The following ARHGAP22 variants were observed in gnomAD, a reference collection of about 807,000 sequenced individuals.
The protein encoded by ARHGAP22 is Rho GTPase activating protein 22.
ARHGAP22 carries 48 observed loss-of-function variants against 59.1 expected under a neutral mutation model. The ratio of observed to expected loss-of-function variants is 0.81; its 90% CI spans 0.64 to 1.03. The LOEUF (loss-of-function observed/expected upper bound fraction) is 1.03, where lower values mean the gene tolerates loss of function less well. Among genes scored for constraint, ARHGAP22 ranks in the 50% least tolerant of loss-of-function variants. ARHGAP22 has a pLI of 0.00. For missense variants in ARHGAP22, 1,015 were observed against 958.7 expected (o/e 1.06, Z -0.78); for synonymous variants, 445 against 416.4 (o/e 1.07, Z -0.84).
At chr10:48,462,519 C>G (rs553537437) in intron 4 of ARHGAP22, among the ~76,000 whole-genome samples, 1 of 152,210 alleles carries the variant, frequency 6.6e-6, no homozygotes, top group Non-Finnish European at 1.5e-5. Flanking sequence ...CGGTCCAACC[C>G]AGGCAGTCTG....
chr10:48,583,368 G>A (rs1315286317), intron 1 of ARHGAP22, among the ~76,000 whole-genome samples: 3 of 152,240 alleles, frequency 2.0e-5, no homozygotes, highest in Non-Finnish European at 4.4e-5. Context: ...TAGGGGTACA[G>A]CCTGCCCACC....
At chr10:48,564,243 C>G (rs1449000092) in intron 2 of ARHGAP22, among the ~76,000 whole-genome samples, 1 of 152,160 alleles carries the variant, frequency 6.6e-6, no homozygotes, top group Non-Finnish European at 1.5e-5. Context: ...TTTTTTACTA[C>G]ACAAAATGAG....
chr10:48,597,190 T>C (rs150303952), intron 1 of ARHGAP22, among the ~76,000 whole-genome samples: 38 of 152,266 alleles, frequency 2.5e-4, no homozygotes, highest in Non-Finnish European at 3.4e-4. Context: ...TCTGCGAATG[T>C]GAGGCAGGAA....
At chr10:48,431,387 AATAAGT>A in the ARHGAP22 span, 1 of 696,086 alleles carries the variant, frequency 1.4e-6, no homozygotes, top group Admixed American at 3.0e-5. Context: ...TTCCAGGCTT[AATAAGT>A]ATAAGGAAAT....
At chr10:48,462,263 T>C (rs1281378970) in intron 4 of ARHGAP22, among the ~76,000 whole-genome samples, 3 of 141,226 alleles carry the variant, frequency 2.1e-5, no homozygotes, top group African/African-American at 7.9e-5. Context: ...GGGGGGCACC[T>C]GAGTGTGAGG....
At position 48,489,735 on chromosome 10, in the gene ARHGAP22, T is replaced by TC. The variant is rs1353318348; in HGVS notation, c.323-9972_323-9971insG. ...ACAGACTTCTGAGGCTGCCTCTTTT[T>TC]TTTTTTTTTTTTTTTTGAGACGGAG... is the stretch of plus-strand genomic sequence containing the variant. On this transcript the variant is annotated intron_variant, in intron 3 of 9. Coordinates refer to ENST00000249601, the MANE Select transcript of ARHGAP22 (RefSeq NM_021226.4). Among the ~76,000 whole-genome samples, 201 of 147,780 alleles carry TC rather than the reference T, an allele frequency of 1.4e-3. 3 individuals are homozygous for TC. Among genetic ancestry groups the TC allele is most frequent in the African/African-American group, 4.8e-3 (191 of 40,010 alleles).
At chr10:48,465,366 G>T (rs116008732) in intron 4 of ARHGAP22, among the ~76,000 whole-genome samples, 1 of 152,232 alleles carries the variant, frequency 6.6e-6, no homozygotes, top group Non-Finnish European at 1.5e-5. Flanking sequence ...TCCCACACCG[G>T]AGAGGAAGCC....
Position 48,451,077 on chromosome 10 carries a change from G to T in ARHGAP22, c.1052C>A (p.Ala351Glu), listed in dbSNP as rs1207508658. 1.3e-6 allele frequency: 2 copies of T among 1,552,604 alleles called. No homozygotes were observed. The highest frequency in any genetic ancestry group is 8.7e-7 in the Non-Finnish European group (1 of 1,147,938). ...GGAGGTGGGCCCTTCCGGGACCGGT[G>T]CCGTGAAGAGCTGGCTGTGTTTGCG... The part of the protein sequence containing the change: ...LIRKHSQLFT[A>E]PVPEGPTSPR... Residue 351 changes from alanine to glutamate, a missense_variant, in exon 9 of 10, where the codon GCA (alanine) becomes GAA (glutamate). Transcript: ENST00000249601.
At chr10:48,579,767 G>T (rs2058995092) in intron 2 of ARHGAP22, among the ~76,000 whole-genome samples, 1 of 151,964 alleles carries the variant, frequency 6.6e-6, no homozygotes, top group South Asian at 2.1e-4. Context: ...CGTCCTACAG[G>T]AGAGTGCTGA....
chr10:48,549,939 A>G (rs2056769511), intron 3 of ARHGAP22, among the ~76,000 whole-genome samples: 1 of 152,130 alleles, frequency 6.6e-6, no homozygotes, highest in Non-Finnish European at 1.5e-5. Flanking sequence ...GCCCGACACC[A>G]TTCTCCTGCC....
At chr10:48,625,998 C>A (rs1477491159) in intron 1 of ARHGAP22, among the ~76,000 whole-genome samples, 1 of 152,164 alleles carries the variant, frequency 6.6e-6, no homozygotes, top group African/African-American at 2.4e-5. Flanking sequence ...GAGACCTGGG[C>A]AAATCAACAT....
intron 3 of ARHGAP22, chr10:48,524,000 C>T (rs1589933975): frequency 2.1e-6 from 3 of 1,427,626 alleles, no homozygotes; most frequent in East Asian, 5.9e-5. Context: ...GCGGGGCTGG[C>T]AGCCTCTGGC....
At chr10:48,466,081 A>G (rs1251428574) in intron 4 of ARHGAP22, among the ~76,000 whole-genome samples, 1 of 152,064 alleles carries the variant, frequency 6.6e-6, no homozygotes, top group Non-Finnish European at 1.5e-5. Context: ...GTAGAGGCTA[A>G]GCTCACCTGG....
upstream of ARHGAP22, among the ~76,000 whole-genome samples, chr10:48,610,046 G>A (rs2060823688): frequency 6.6e-6 from 1 of 152,166 alleles, no homozygotes; most frequent in Non-Finnish European, 1.5e-5. Context: ...TAGAGGGAAT[G>A]GCCTTTCTCT....
rs1022649303 is a variant in ARHGAP22, at chr10:48,604,809, G to T, written c.-13C>A. On this transcript the variant is annotated 5_prime_UTR_variant, in exon 1 of 10. Transcript: ENST00000249601. Reference sequence around the variant, plus strand: ...TTGGGCTCAGCATGTTCTTGCAGCCGTCCGGCCAGCCCCGCAGGGCCGTTC... The same window carrying T: ...TTGGGCTCAGCATGTTCTTGCAGCCTTCCGGCCAGCCCCGCAGGGCCGTTC... 4 of 1,614,194 alleles carry T rather than the reference G, an allele frequency of 2.5e-6. No individual in the cohort carries two copies. In the East Asian group the frequency reaches 6.7e-5, roughly 27 times the overall value.
chr10:48,574,169 T>G (rs2135516949), intron 2 of ARHGAP22, among the ~76,000 whole-genome samples: 1 of 152,354 alleles, frequency 6.6e-6, no homozygotes, highest in East Asian at 1.9e-4. Context: ...AAATTATTTT[T>G]CCATTGAGGA....
At chr10:48,498,075 T>A (rs1432644287) in intron 3 of ARHGAP22, among the ~76,000 whole-genome samples, 1 of 152,094 alleles carries the variant, frequency 6.6e-6, no homozygotes, top group African/African-American at 2.4e-5. Context: ...CTCGGGCCGG[T>A]CCCCAACTTG....
intron 1 of ARHGAP22, among the ~76,000 whole-genome samples, chr10:48,633,208 C>A (rs2061688376): frequency 6.6e-6 from 1 of 152,206 alleles, no homozygotes; most frequent in Non-Finnish European, 1.5e-5. Flanking sequence ...GAGATCATTT[C>A]CCAGGCCTGT....
intron 8 of ARHGAP22, chr10:48,451,630 A>C (rs1365149473): frequency 1.8e-5 from 12 of 685,582 alleles, no homozygotes; most frequent in Non-Finnish European, 3.2e-5. Flanking sequence ...ACACACATAC[A>C]ATTGCACACA....
Sources: gnomAD v4.1 joint callset for allele counts (sites outside exome capture counted in the v4.1 genomes callset) on GRCh38, gnomAD v4.1.1 for gene constraint, MANE v1.5 for transcripts, NCBI Gene and HGNC (gene_info 2026-07-23, HGNC 2026-07-21) for gene names.